The following CAP2 variants were observed in gnomAD, a reference collection of about 807,000 sequenced individuals.
The protein encoded by CAP2 is adenylyl cyclase-associated protein 2.
In CAP2, 24 loss-of-function variants were observed where a neutral mutation model predicts 57.7. The ratio of observed to expected loss-of-function variants is 0.42; its 90% CI spans 0.30 to 0.58. The LOEUF (loss-of-function observed/expected upper bound fraction) is 0.58. Ranked by LOEUF, CAP2 falls within the 20% of genes least tolerant of loss-of-function variation. The probability of loss-of-function intolerance (pLI) is 0.22; values close to 1 mark genes in which losing one functional copy is unlikely to be tolerated. For synonymous variants in CAP2, 194 were observed against 207.2 expected (o/e 0.94, Z 0.55); for missense variants, 501 against 590.3 (o/e 0.85, Z 1.57).
At chr6:17,521,970 G>C (rs181277766) in intron 7 of CAP2, among the ~76,000 whole-genome samples, 6 of 151,966 alleles carry the variant, frequency 3.9e-5, no homozygotes, top group African/African-American at 1.5e-4. Context: ...TTAGCTGGGC[G>C]TGGTGGTGCA....
chr6:17,544,473 T>C (rs972845090), intron 11 of CAP2, among the ~76,000 whole-genome samples: 22 of 152,030 alleles, frequency 1.4e-4, no homozygotes, highest in African/African-American at 4.3e-4. Context: ...AATTTTGATT[T>C]AGCCACATGG....
chr6:17,552,461 C>T (rs1224491314), intron 12 of CAP2, among the ~76,000 whole-genome samples: 1 of 151,998 alleles, frequency 6.6e-6, no homozygotes, highest in Non-Finnish European at 1.5e-5. Flanking sequence ...CCAGCCTGGC[C>T]AACACGGCAA....
intron 7 of CAP2, among the ~76,000 whole-genome samples, chr6:17,534,895 C>T (rs16879781): frequency 0.091 from 13,904 of 152,164 alleles, 775 homozygotes; most frequent in South Asian, 0.15. Flanking sequence ...GAGCCCTAGA[C>T]GGAGAGTCAA....
At chr6:17,431,162 CAGA>C (rs1759720149) in intron 3 of CAP2, among the ~76,000 whole-genome samples, 1 of 151,912 alleles carries the variant, frequency 6.6e-6, no homozygotes, top group African/African-American at 2.4e-5. Context: ...GGGTGGAGGG[CAGA>C]AGAAGGGTGA....
intron 3 of CAP2, among the ~76,000 whole-genome samples, chr6:17,435,730 A>AAAAAAAAAAAAAAAAAAAAATT (rs1759862477): frequency 7.4e-6 from 1 of 136,044 alleles, no homozygotes; most frequent in Non-Finnish European, 1.5e-5. Context: ...AAAAAAAAAA[A>AAAAAAAAAAAAAAAAAAAAATT]AACAAAAAAA....
intron 7 of CAP2, among the ~76,000 whole-genome samples, chr6:17,516,386 T>A (rs982763002): frequency 1.3e-5 from 2 of 152,160 alleles, no homozygotes; most frequent in Non-Finnish European, 2.9e-5. Flanking sequence ...CCCTTTTGAA[T>A]CTCTGCACTT....
Position 17,485,284 on chromosome 6 carries a change from GC to G in CAP2, c.301-21884del, listed in dbSNP as rs765835324. On this transcript the variant is annotated intron_variant, in intron 4 of 12. Coordinates refer to ENST00000229922, the MANE Select transcript of CAP2 (RefSeq NM_006366.3). ...AATTTTCACAATGTCATGCTAGAGTGCGTGCATAGTAATGTTATATGCCAAG... is the reference window on the plus strand; with the variant it reads ...AATTTTCACAATGTCATGCTAGAGTGGTGCATAGTAATGTTATATGCCAAG... 2.6e-5 allele frequency among the ~76,000 whole-genome samples: 4 copies of G among 152,274 alleles called. No individual in the cohort carries two copies. In the East Asian group the frequency reaches 7.7e-4, roughly 29 times the overall value.
At chr6:17,543,612 A>G (rs6910253) in intron 11 of CAP2, among the ~76,000 whole-genome samples, 107,171 of 137,724 alleles carry the variant, frequency 0.78, 41,934 homozygotes, top group Non-Finnish European at 0.81. Context: ...GCGACAGAGC[A>G]AGACTCCATC....
At chr6:17,528,920 A>G (rs1314859377) in intron 7 of CAP2, among the ~76,000 whole-genome samples, 2 of 152,188 alleles carry the variant, frequency 1.3e-5, no homozygotes, top group Non-Finnish European at 2.9e-5. Flanking sequence ...AAGTCTCAAA[A>G]TTCTAAGAAG....
intron 1 of CAP2, among the ~76,000 whole-genome samples, chr6:17,416,100 C>T (rs530622773): frequency 2.0e-5 from 3 of 151,284 alleles, no homozygotes; most frequent in East Asian, 3.9e-4. Context: ...GGAAAAATAA[C>T]GAATTACATA....
chr6:17,501,763 G>A (rs1405428844), intron 4 of CAP2, among the ~76,000 whole-genome samples: 1 of 152,218 alleles, frequency 6.6e-6, no homozygotes, highest in East Asian at 1.9e-4. Flanking sequence ...ACAGGACTCA[G>A]TTCTTCAACT....
chr6:17,464,717 G>T (rs1760818339), intron 4 of CAP2, among the ~76,000 whole-genome samples: 1 of 152,202 alleles, frequency 6.6e-6, no homozygotes, highest in South Asian at 2.1e-4. Flanking sequence ...GCCTAGGTAG[G>T]AGGCTCTGTA....
intron 4 of CAP2, among the ~76,000 whole-genome samples, chr6:17,468,341 C>T (rs937684786): frequency 1.3e-5 from 2 of 152,234 alleles, no homozygotes; most frequent in Non-Finnish European, 2.9e-5. Flanking sequence ...GACATTTCAA[C>T]ATTTCAGCCT....
At chr6:17,475,250 AG>A (rs1761123992) in intron 4 of CAP2, among the ~76,000 whole-genome samples, 1 of 152,080 alleles carries the variant, frequency 6.6e-6, no homozygotes, top group African/African-American at 2.4e-5. Context: ...GGTTCAGGGA[AG>A]GGAACTGAGT....
At chr6:17,435,980 T>A (rs1759869752) in intron 3 of CAP2, among the ~76,000 whole-genome samples, 1 of 152,176 alleles carries the variant, frequency 6.6e-6, no homozygotes, top group Non-Finnish European at 1.5e-5. Flanking sequence ...TCAGTCAGGG[T>A]CCTGGAAGGA....
rs16879774 is a variant in CAP2 at position 17,531,298 on chromosome 6, G to A, written c.637-7971G>A. The A allele has an allele frequency of 4.3e-4, 404 of 938,864 alleles. 1 individual carries two copies. The African/African-American group carries it at 4.9e-3, about 11-fold the overall frequency. The allele number at this position is 938,864 out of a possible 1,614,324, so 58.2% of individuals were successfully genotyped here. A position where few individuals can be genotyped will look rare whatever the true frequency, so the allele number is the denominator to read the frequency against. The stretch of plus-strand genomic sequence containing the variant: ...ACAAAGGTTCTGTTGAAGATTTGAC[G>A]AAGGGAAGAAGCTGCAACACCTTTC... On this transcript the variant is annotated intron_variant, in intron 7 of 12. Coordinates refer to ENST00000229922, the MANE Select transcript of CAP2 (RefSeq NM_006366.3).
chr6:17,502,639 CAGACTTT>C (rs1761855592), intron 4 of CAP2, among the ~76,000 whole-genome samples: 2 of 152,094 alleles, frequency 1.3e-5, no homozygotes. Context: ...TCTGTCTCCT[CAGACTTT>C]AGAGTTTGTT....
intron 1 of CAP2, among the ~76,000 whole-genome samples, chr6:17,394,951 G>A (rs1366188637): frequency 1.3e-5 from 2 of 152,086 alleles, no homozygotes; most frequent in Non-Finnish European, 2.9e-5. Flanking sequence ...TGTAGATGGA[G>A]CATGACTTCT....
intron 7 of CAP2, among the ~76,000 whole-genome samples, chr6:17,529,111 T>G (rs9477472): frequency 2.6e-5 from 4 of 152,100 alleles, no homozygotes; most frequent in Non-Finnish European, 5.9e-5. Context: ...GAGACAAAAG[T>G]CATAAATTCA....
Sources: gnomAD v4.1 joint callset for allele counts (sites outside exome capture counted in the v4.1 genomes callset) on GRCh38, gnomAD v4.1.1 for gene constraint, MANE v1.5 for transcripts, NCBI Gene and HGNC (gene_info 2026-07-23, HGNC 2026-07-21) for gene names.